KRT16: variants seen among roughly 807,000 people sequenced by gnomAD.
KRT16 encodes the protein keratin 16, also known as keratin, type I cytoskeletal 16.
A neutral mutation model predicts 44.8 loss-of-function variants in KRT16; 42 were observed. The observed-to-expected ratio is 0.94, with a 90% CI of 0.73 to 1.21. The LOEUF is 1.21. Among genes scored for constraint, KRT16 ranks in the 50% most tolerant of loss-of-function variants. The probability of loss-of-function intolerance (pLI) is 0.00; values close to 1 mark genes in which losing one functional copy is unlikely to be tolerated. For synonymous variants in KRT16, 226 were observed against 260.4 expected (o/e 0.87, Z 1.27); for missense variants, 561 against 626.9 (o/e 0.89, Z 1.12).
Position 41,610,393 on chromosome 17 carries a change from C to T in KRT16, c.1218G>A (p.Val406=). ...QSQEYQILLD[V]KTRLEQEIAT... ...CAATCTCCTGCTCCAGCCGCGTCTTCACATCCAGCAAGATCTGGTACTCCT... is the reference window on the plus strand; with the variant it reads ...CAATCTCCTGCTCCAGCCGCGTCTTTACATCCAGCAAGATCTGGTACTCCT... The change falls in exon 6 of 8, where the codon GTG becomes GTA. Residue 406 remains valine, a synonymous_variant. Coordinates refer to ENST00000301653, the MANE Select transcript of KRT16 (RefSeq NM_005557.4). 6.2e-7 allele frequency: 1 copy of T among 1,612,404 alleles called. No individual in the cohort carries two copies. Among genetic ancestry groups the T allele is most frequent in the Non-Finnish European group, 8.5e-7 (1 of 1,179,866 alleles).
At chr17:41,610,598 G>C (rs113818259) in intron 5 of KRT16, 47 bp from the exon 6 acceptor site, 3 of 1,599,346 alleles carry the variant, frequency 1.9e-6, no homozygotes, top group Admixed American at 3.3e-5. Flanking sequence ...GGTCACTCCT[G>C]TTCCTCCAGG....
rs374847388 is a variant in KRT16, at chr17:41,611,526, C to T, written c.615-25G>A. On this transcript the variant is annotated intron_variant, in intron 2 of 7. Coordinates refer to ENST00000301653, the MANE Select transcript of KRT16 (RefSeq NM_005557.4). ...CCTGGCAGGACAGAGGTCAGGTCCT[C>T]AGGCTGCAGCCCTGAGGATTCTGAG... is the stretch of plus-strand genomic sequence containing the variant. 4.3e-6 allele frequency: 7 copies of T among 1,612,446 alleles called. No individual in the cohort carries two copies. The African/African-American group carries it at 5.3e-5, about 12-fold the overall frequency.
Position 41,609,832 on chromosome 17 carries a change from G to A in KRT16, c.*103C>T, listed in dbSNP as rs1908122833. The A allele has an allele frequency of 5.6e-6, 5 of 893,168 alleles. No homozygotes were observed. The highest frequency in any genetic ancestry group is 9.2e-6 in the Non-Finnish European group (5 of 545,224). The allele number at this position is 893,168 out of a possible 1,614,324, so 55.3% of individuals were successfully genotyped here. ...AGCCCACCACCAGCAGAGGAGCAGG[G>A]GAGATAGCTGGGAACTGCGCCAGGA... On this transcript the variant is annotated 3_prime_UTR_variant, in exon 8 of 8. Transcript: ENST00000301653.
Position 41,612,669 on chromosome 17 carries a change from T to A in KRT16, c.20A>T (p.Gln7Leu). The A allele has an allele frequency of 6.3e-7, 1 of 1,599,808 alleles. No homozygotes were observed. Among genetic ancestry groups the A allele is most frequent in the South Asian group, 1.1e-5 (1 of 89,380 alleles). ...CTTCATGGAGCTGGAGGAGGTGAACTGGCGGCTGCAGGTGGTCATGGTGCC... is the reference window on the plus strand; with the variant it reads ...CTTCATGGAGCTGGAGGAGGTGAACAGGCGGCTGCAGGTGGTCATGGTGCC... MTTCSR[Q>L]FTSSSSMKGS... Residue 7 changes from glutamine (Q) to leucine (L), a missense_variant, in exon 1 of 8, where the codon CAG becomes CTG. By Grantham distance (113) the Gln-to-Leu change is moderately radical. Transcript: ENST00000301653.
Position 41,612,568 on chromosome 17 carries a change from G to C in KRT16, c.121C>G (p.Arg41Gly), listed in dbSNP as rs111383277. ...ISSVLAGGSC[R>G]APSTYGGGLS... ...CCGCCCCCGTAGGTGCTGGGGGCAC[G>C]GCAGGACCCTCCGGCCAGGACGGAG... The change falls in exon 1 of 8, where the codon CGT becomes GGT. Residue 41 changes from arginine to glycine, a missense_variant. Transcript: ENST00000301653. The C allele has an allele frequency of 1.3e-6, 2 of 1,595,230 alleles. No homozygotes were observed. Among genetic ancestry groups the C allele is most frequent in the Non-Finnish European group, 1.7e-6 (2 of 1,171,378 alleles).
rs1379574978 is a variant in KRT16, at chr17:41,610,405, G to A, written c.1206C>T (p.Ile402=). Residue 402 remains isoleucine, a synonymous_variant, in exon 6 of 8, where the codon ATC becomes ATT. Coordinates refer to ENST00000301653, the MANE Select transcript of KRT16 (RefSeq NM_005557.4). ...CCAGCCGCGTCTTCACATCCAGCAA[G>A]ATCTGGTACTCCTGGCTCTGCTGCT... is the stretch of plus-strand genomic sequence containing the variant. ...EMEQQSQEYQ[I]LLDVKTRLEQ... is the part of the protein sequence containing the mutation. 1 of 1,612,186 alleles carries A rather than the reference G, an allele frequency of 6.2e-7. No individual in the cohort carries two copies. The highest frequency in any genetic ancestry group is 1.3e-5 in the African/African-American group (1 of 74,872).
Position 41,612,675 on chromosome 17 carries a change from C to T in KRT16, c.14G>A (p.Ser5Asn), listed in dbSNP as rs1214203238. ...GGAGCTGGAGGAGGTGAACTGGCGG[C>T]TGCAGGTGGTCATGGTGCCAAGGAG... MTTCSRQFTSSSSMK... is the reference protein window; with the variant it reads MTTCNRQFTSSSSMK... Residue 5 changes from serine (S) to asparagine (N), a missense_variant, in exon 1 of 8, where the codon AGC (serine) becomes AAC (asparagine). By Grantham distance (46) the Ser-to-Asn change is conservative. Coordinates refer to ENST00000301653, the MANE Select transcript of KRT16 (RefSeq NM_005557.4). The T allele has an allele frequency of 6.3e-7, 1 of 1,597,840 alleles. No individual in the cohort carries two copies. Among genetic ancestry groups the T allele is most frequent in the Non-Finnish European group, 8.5e-7 (1 of 1,173,600 alleles).
intron 5 of KRT16, 102 bp from the exon 6 acceptor site, chr17:41,610,653 T>A: frequency 6.6e-7 from 1 of 1,505,868 alleles, no homozygotes; most frequent in African/African-American, 1.4e-5. Context: ...TTGATCCCAG[T>A]TGGGGTACTG....
chr17:41,612,590 G>A lies in KRT16; in HGVS notation c.99C>T (p.Ser33=), dbSNP rs1168080501. 6.9e-6 allele frequency: 11 copies of A among 1,596,828 alleles called. No individual in the cohort carries two copies. The highest frequency in any genetic ancestry group is 2.2e-5 in the South Asian group (2 of 89,470). The change falls in exon 1 of 8, where the codon TCC becomes TCT. Residue 33 remains serine, a synonymous_variant. Coordinates refer to ENST00000301653, the MANE Select transcript of KRT16 (RefSeq NM_005557.4). ...GIGGGSSRIS[S]VLAGGSCRAP... ...CACGGCAGGACCCTCCGGCCAGGAC[G>A]GAGGAGATGCGGCTGGAGCCGCCCC...
At chr17:41,611,254 G>A (rs772511645) in intron 3 of KRT16, 24 bp from the exon 4 acceptor site, 8 of 1,613,816 alleles carry the variant, frequency 5.0e-6, no homozygotes, top group Non-Finnish European at 5.9e-6. Flanking sequence ...GCAGGAGGCG[G>A]TCAGTTCAGC....
At chr17:41,611,835 G>T (rs905474557) in intron 1 of KRT16, 114 bp from the exon 2 acceptor site, 22 of 1,025,990 alleles carry the variant, frequency 2.1e-5, no homozygotes, top group Admixed American at 1.2e-4. Flanking sequence ...CTTCTGGCTG[G>T]CAGGGCTGGC....
Position 41,611,055 on chromosome 17 carries a change from G to A in KRT16, c.933+14C>T. 1 of 1,614,010 alleles carries A rather than the reference G, an allele frequency of 6.2e-7. No individual in the cohort carries two copies. The highest frequency in any genetic ancestry group is 8.5e-7 in the Non-Finnish European group (1 of 1,179,876). On this transcript the variant is annotated intron_variant, in intron 4 of 7. Coordinates refer to ENST00000301653, the MANE Select transcript of KRT16 (RefSeq NM_005557.4). ...TGGGAAGTGCTGCAGGCTCACTGCG[G>A]GCCCGAGCCCCACCTTGCTCAGGAA...
rs773405938 is a variant in KRT16, at chr17:41,612,696, AG to A, written c.-9del. 25 of 1,587,786 alleles carry A rather than the reference AG, an allele frequency of 1.6e-5. No homozygotes were observed. The highest frequency in any genetic ancestry group is 1.0e-5 in the Non-Finnish European group (12 of 1,168,878). ...GCGGCTGCAGGTGGTCATGGTGCCA[AG>A]GAGGGAGGTGAGCGAGTGAGCAGTT... On this transcript the variant is annotated 5_prime_UTR_variant, in exon 1 of 8. Coordinates refer to ENST00000301653, the MANE Select transcript of KRT16 (RefSeq NM_005557.4).
rs766195354 is a variant in KRT16 at position 41,610,310 on chromosome 17, ACTGAGGGGCCTGGGACTCACTGGGCATC to A, written c.1273_1280+20del. The stretch of plus-strand genomic sequence containing the variant: ...GGGGCTAAAGGGTCTGGGAGGCAGA[ACTGAGGGGCCTGGGACTCACTGGGCATC>A]CTCGCCCTCCAGCAGGCGGCGGTAG... On this transcript the variant is annotated splice_donor_variant and splice_donor_5th_base_variant and coding_sequence_variant and intron_variant, in exon 6 of 8. Transcript: ENST00000301653. LOFTEE classifies it high-confidence loss of function. The A allele has an allele frequency of 6.2e-7, 1 of 1,613,320 alleles. No individual in the cohort carries two copies. Among genetic ancestry groups the A allele is most frequent in the Non-Finnish European group, 8.5e-7 (1 of 1,179,866 alleles).
chr17:41,610,821 T>C (rs201947780), intron 5 of KRT16, 33 bp downstream of exon 5: 2 of 1,613,040 alleles, frequency 1.2e-6, no homozygotes, highest in East Asian at 2.2e-5. Context: ...TACTGGTGAC[T>C]TGGGGGCTGC....
In KRT16 at chr17:41,610,167, C is replaced by T. The variant is rs752273996; in HGVS notation, c.1327+23G>A. On this transcript the variant is annotated intron_variant, in intron 7 of 7. Coordinates refer to ENST00000301653, the MANE Select transcript of KRT16 (RefSeq NM_005557.4). ...GGAAACAGGCAGAGGGGCTGCAGTG[C>T]CGGGGAGCCTCAGAAGCCTTACCCT... is the stretch of plus-strand genomic sequence containing the variant. 2.5e-6 allele frequency: 4 copies of T among 1,613,454 alleles called. No individual in the cohort carries two copies. In the East Asian group the frequency reaches 8.9e-5, roughly 36 times the overall value.
chr17:41,610,799 G>A (rs1908163686), intron 5 of KRT16, 55 bp downstream of exon 5: 2 of 1,611,518 alleles, frequency 1.2e-6, no homozygotes, highest in Non-Finnish European at 1.7e-6. Context: ...TTTTTGAGGG[G>A]GTGGTGGCCA....
At position 41,612,719 on chromosome 17, in the gene KRT16, A is replaced by C; in HGVS notation, c.-31T>G. 3 of 1,560,676 alleles carry C rather than the reference A, an allele frequency of 1.9e-6. No homozygotes were observed. Among genetic ancestry groups the C allele is most frequent in the Non-Finnish European group, 2.6e-6 (3 of 1,156,238 alleles). On this transcript the variant is annotated 5_prime_UTR_variant, in exon 1 of 8. Transcript: ENST00000301653. ...CAAGGAGGGAGGTGAGCGAGTGAGC[A>C]GTTGGCTGAAAGAAGGAAAGGTGCT...
At position 41,612,060 on chromosome 17, in the gene KRT16, G is replaced by T. The variant is rs561164284; in HGVS notation, c.531+98C>A. The T allele has an allele frequency of 3.1e-5, 46 of 1,465,762 alleles. 1 individual carries two copies. The East Asian group carries it at 9.7e-4, about 31-fold the overall frequency. The allele number at this position is 1,465,762 out of a possible 1,614,324, so 90.8% of individuals were successfully genotyped here. A position where few individuals can be genotyped will look rare whatever the true frequency, so the allele number is the denominator to read the frequency against. On this transcript the variant is annotated intron_variant, in intron 1 of 7. Coordinates refer to ENST00000301653, the MANE Select transcript of KRT16 (RefSeq NM_005557.4). Reference sequence around the variant, plus strand: ...CCTGGCCACTCCCCAAAGGTGCCCAGTCTCCCTGTTTGTAAAGTGTAATTG... The same window carrying T: ...CCTGGCCACTCCCCAAAGGTGCCCATTCTCCCTGTTTGTAAAGTGTAATTG...
Sources: allele counts gnomAD v4.1 joint callset, GRCh38; gene constraint gnomAD v4.1.1; transcripts MANE v1.5; gene names NCBI Gene and HGNC (gene_info 2026-07-23, HGNC 2026-07-21).